CCDC158: variants seen among roughly 807,000 people sequenced by gnomAD.
CCDC158 encodes the protein coiled-coil domain-containing protein 158.
Under a neutral mutation model 138.6 loss-of-function variants are expected in CCDC158, and 116 were observed. The ratio of observed to expected loss-of-function variants is 0.84; its 90% confidence interval spans 0.72 to 0.98. CCDC158 has a LOEUF of 0.98. CCDC158 is among the 50% of genes least tolerant of loss of function. The pLI is 0.00. For missense variants in CCDC158, 1,265 were observed against 1,306.1 expected, an observed-to-expected ratio of 0.97 and a Z score of 0.48; for synonymous variants, 436 against 442.4, an observed-to-expected ratio of 0.99 and a Z score of 0.18.
At position 76,379,404 on chromosome 4, in the gene CCDC158, T is replaced by C; in HGVS notation, c.915A>G (p.Gln305=). The C allele has an allele frequency of 6.3e-7, 1 of 1,583,794 alleles. No homozygotes were observed. The highest frequency in any genetic ancestry group is 1.3e-5 in the African/African-American group (1 of 74,088). ...TAGAGTTTTGGTTTCTTGCTTGCTC[T>C]CTAAGAAGAGTTTAGAAGGGGAATA... The part of the protein sequence containing the change: ...NSIQSQMEII[Q]EQARNQNSMY... The change falls in exon 9 of 25, where the codon CAA becomes CAG. Residue 305 remains glutamine, a splice_region_variant and synonymous_variant. Transcript: ENST00000682701.
At chr4:76,355,737 A>G (rs563926540) in intron 14 of CCDC158, among the ~76,000 whole-genome samples, 10 of 152,104 alleles carry the variant, frequency 6.6e-5, no homozygotes, top group African/African-American at 2.4e-4. Flanking sequence ...AGTAATAACA[A>G]TAACATTGAC....
At chr4:76,389,925 TTCA>T (rs1402755398) in intron 4 of CCDC158, among the ~76,000 whole-genome samples, 1 of 152,096 alleles carries the variant, frequency 6.6e-6, no homozygotes, top group African/African-American at 2.4e-5. Context: ...GATGAGGAAT[TTCA>T]TCAACACCAG....
chr4:76,371,584 A>C, intron 9 of CCDC158, 48 bp from the exon 10 acceptor site: 1 of 1,586,864 alleles, frequency 6.3e-7, no homozygotes, highest in Non-Finnish European at 8.6e-7. Context: ...GACAGTGGGT[A>C]ATATAAAATA....
At chr4:76,409,615 C>T (rs4618338) in intron 2 of CCDC158, among the ~76,000 whole-genome samples, 1 of 151,772 alleles carries the variant, frequency 6.6e-6, no homozygotes, top group Non-Finnish European at 1.5e-5. Flanking sequence ...GCGGATCATG[C>T]GGTCAGGAGA....
intron 3 of CCDC158, among the ~76,000 whole-genome samples, chr4:76,399,126 C>A (rs1043650267): frequency 6.6e-6 from 1 of 152,062 alleles, no homozygotes; most frequent in African/African-American, 2.4e-5. Flanking sequence ...TTCAAATGGT[C>A]TGGCAAAATA....
intron 18 of CCDC158, among the ~76,000 whole-genome samples, chr4:76,340,203 T>A (rs1394955737): frequency 1.3e-5 from 2 of 152,232 alleles, no homozygotes. Context: ...GAGTTAACAT[T>A]GGGATTTTTG....
intron 19 of CCDC158, 180 bp downstream of exon 19, chr4:76,333,830 A>G (rs11944144): frequency 5.8e-4 from 239 of 412,220 alleles, no homozygotes; most frequent in African/African-American, 4.5e-3. Context: ...GTTTTCTCTT[A>G]GTGTCAAGTT....
chr4:76,416,420 C>A (rs1180325981), intron 1 of CCDC158, among the ~76,000 whole-genome samples: 1 of 152,200 alleles, frequency 6.6e-6, no homozygotes, highest in Non-Finnish European at 1.5e-5. Context: ...GGGGAGAAAA[C>A]CCACTGACCC....
intron 11 of CCDC158, among the ~76,000 whole-genome samples, chr4:76,368,013 G>A (rs917075075): frequency 1.3e-5 from 2 of 151,862 alleles, no homozygotes; most frequent in Admixed American, 6.6e-5. Context: ...TTTCAGGGAT[G>A]AGCCACTGTA....
intron 18 of CCDC158, among the ~76,000 whole-genome samples, chr4:76,338,931 C>T (rs138402854): frequency 6.6e-6 from 1 of 152,296 alleles, no homozygotes; most frequent in African/African-American, 2.4e-5. Flanking sequence ...GGCTCTAAGA[C>T]TGCCAACGAA....
At chr4:76,347,725 G>A (rs937414935) in intron 18 of CCDC158, among the ~76,000 whole-genome samples, 2 of 151,936 alleles carry the variant, frequency 1.3e-5, no homozygotes, top group African/African-American at 4.8e-5. Flanking sequence ...ATTAAAAAAA[G>A]AAACAAAATC....
intron 24 of CCDC158, among the ~76,000 whole-genome samples, chr4:76,318,226 A>G (rs548375493): frequency 3.9e-5 from 6 of 152,292 alleles, no homozygotes; most frequent in African/African-American, 1.2e-4. Context: ...TGAAACAAAA[A>G]GCTTGTTCTT....
Position 76,383,665 on chromosome 4 carries a change from T to C in CCDC158, c.800A>G (p.Asp267Gly). The C allele has an allele frequency of 6.2e-7, 1 of 1,610,674 alleles. No homozygotes were observed. Among genetic ancestry groups the C allele is most frequent in the Non-Finnish European group, 8.5e-7 (1 of 1,176,902 alleles). The change falls in exon 7 of 25, where the codon GAT (aspartate) becomes GGT (glycine). Residue 267 changes from aspartate to glycine, a missense_variant. By Grantham distance (94) the Asp-to-Gly change is moderately conservative (BLOSUM62 -1). Transcript: ENST00000682701. Reference protein sequence around the residue: ...KIELLLQQHQDRIEQLISEHE... With the variant: ...KIELLLQQHQGRIEQLISEHE... ...CATACCTCAGTCAGAAACCTACCTA[T>C]CTTGGTGTTGTTGCAGAAGTAGTTC...
At position 76,369,628 on chromosome 4, in the gene CCDC158, A is replaced by G. The variant is rs780545284; in HGVS notation, c.1150-5T>C. 1.2e-6 allele frequency: 2 copies of G among 1,604,356 alleles called. No individual in the cohort carries two copies. The highest frequency in any genetic ancestry group is 1.1e-5 in the South Asian group (1 of 90,498). ...CTCCCTTTTGTGTAGATCAGCCTAA[A>G]AAAAGAGAGGAATGCTTTTTTCCTC... is the stretch of plus-strand genomic sequence containing the variant. On this transcript the variant is annotated splice_polypyrimidine_tract_variant and splice_region_variant and intron_variant, in intron 10 of 24. Transcript: ENST00000682701.
At position 76,353,103 on chromosome 4, in the gene CCDC158, T is replaced by C. The variant is rs1680066085; in HGVS notation, c.2445+20A>G. 6.3e-7 allele frequency: 1 copy of C among 1,583,426 alleles called. No individual in the cohort carries two copies. The highest frequency in any genetic ancestry group is 1.7e-5 in the Admixed American group (1 of 57,198). On this transcript the variant is annotated intron_variant, in intron 16 of 24. Coordinates refer to ENST00000682701, the MANE Select transcript of CCDC158 (RefSeq NM_001394954.1). ...AACTATTTAGTTGATAATTACTTCATATGTTTAGTTAATAATTACCTTATC... is the reference window on the plus strand; with the variant it reads ...AACTATTTAGTTGATAATTACTTCACATGTTTAGTTAATAATTACCTTATC...
chr4:76,364,883 A>G (rs898078379), intron 12 of CCDC158, among the ~76,000 whole-genome samples: 2 of 152,202 alleles, frequency 1.3e-5, no homozygotes, highest in African/African-American at 4.8e-5. Context: ...GGGGAGCCCC[A>G]GGCTTGTCTC....
At chr4:76,417,880 C>G (rs1729822892) in intron 1 of CCDC158, among the ~76,000 whole-genome samples, 1 of 152,142 alleles carries the variant, frequency 6.6e-6, no homozygotes, top group Admixed American at 6.5e-5. Flanking sequence ...TTCACTGACT[C>G]CCAGTGAAGA....
chr4:76,372,180 C>T (rs1478778027), intron 9 of CCDC158, among the ~76,000 whole-genome samples: 1 of 152,124 alleles, frequency 6.6e-6, no homozygotes, highest in African/African-American at 2.4e-5. Flanking sequence ...CACAATGGCC[C>T]ATGCCTGTAA....
In CCDC158 at chr4:76,367,288, A is replaced by G. The variant is rs748793716; in HGVS notation, c.1830+6T>C. ...AGAAGTTAAATCACAAAAAAACTCT[A>G]CAGACCTTAAGTTCCTTTAGTTCCA... is the stretch of plus-strand genomic sequence containing the variant. On this transcript the variant is annotated splice_donor_region_variant and intron_variant, in intron 12 of 24. Coordinates refer to ENST00000682701, the MANE Select transcript of CCDC158 (RefSeq NM_001394954.1). 1 of 1,604,632 alleles carries G rather than the reference A, an allele frequency of 6.2e-7. No individual in the cohort carries two copies. The highest frequency in any genetic ancestry group is 8.5e-7 in the Non-Finnish European group (1 of 1,174,560).
Sources: allele counts gnomAD v4.1 joint callset (sites outside exome capture counted in the v4.1 genomes callset), GRCh38; gene constraint gnomAD v4.1.1; transcripts MANE v1.5; gene names NCBI Gene and HGNC (gene_info 2026-07-23, HGNC 2026-07-21).